The following PRDM16 variants were observed in gnomAD, a reference collection of about 807,000 sequenced individuals.
PRDM16 encodes the protein PR/SET domain 16.
A neutral mutation model predicts 110.6 loss-of-function variants in PRDM16; 23 were observed. The observed-to-expected ratio is 0.21, with a 90% CI of 0.15 to 0.29. PRDM16 has a LOEUF of 0.29. Ranked by LOEUF, PRDM16 falls within the 10% of genes least tolerant of loss-of-function variation. PRDM16 has a pLI of 1.00. For synonymous variants in PRDM16, 799 were observed against 781.8 expected, an observed-to-expected ratio of 1.02 and a Z score of -0.37; for missense variants, 1,615 against 1,794.3, an observed-to-expected ratio of 0.90 and a Z score of 1.81.
intron 1 of PRDM16, among the ~76,000 whole-genome samples, chr1:3,075,572 A>G (rs1328487198): frequency 6.6e-6 from 1 of 152,272 alleles, no homozygotes; most frequent in Non-Finnish European, 1.5e-5. Context: ...AAAAAAATAT[A>G]TTATGGCTGT....
At chr1:3,220,301 A>G (rs1639123542) in intron 2 of PRDM16, among the ~76,000 whole-genome samples, 1 of 152,210 alleles carries the variant, frequency 6.6e-6, no homozygotes, top group Admixed American at 6.5e-5. Flanking sequence ...CACAGGCATC[A>G]TAGCAGCCGG....
chr1:3,327,597 G>A (rs928629853), intron 3 of PRDM16, among the ~76,000 whole-genome samples: 34 of 152,360 alleles, frequency 2.2e-4, no homozygotes, highest in Admixed American at 6.5e-5. Context: ...GCACATGGCT[G>A]CCGCCCATGA....
At chr1:3,221,283 T>C (rs1639145107) in intron 2 of PRDM16, among the ~76,000 whole-genome samples, 1 of 152,228 alleles carries the variant, frequency 6.6e-6, no homozygotes, top group South Asian at 2.1e-4. Flanking sequence ...GGCCTCCCGG[T>C]TCCAGCGCTC....
intron 1 of PRDM16, among the ~76,000 whole-genome samples, chr1:3,140,249 C>T (rs1346959089): frequency 6.6e-6 from 1 of 152,250 alleles, no homozygotes; most frequent in Non-Finnish European, 1.5e-5. Flanking sequence ...AATGTAATTG[C>T]TTCCCTTTCT....
Position 3,368,820 on chromosome 1 carries a change from T to A in PRDM16, c.439-16332T>A, listed in dbSNP as rs144615574. 2.6e-5 allele frequency among the ~76,000 whole-genome samples: 4 copies of A among 152,270 alleles called. No individual in the cohort carries two copies. The East Asian group carries it at 7.7e-4, about 29-fold the overall frequency. On this transcript the variant is annotated intron_variant, in intron 3 of 16. Coordinates refer to ENST00000270722, the MANE Select transcript of PRDM16 (RefSeq NM_022114.4). ...ACAATGTGTCCTCCCATCTTTGTCT[T>A]TTTCAACAGAAAAAAAAATAGCAAT... is the stretch of plus-strand genomic sequence containing the variant.
intron 3 of PRDM16, chr1:3,309,230 A>G (rs2500279): frequency 0.77 from 117,994 of 152,306 alleles, 45,876 homozygotes; most frequent in East Asian, 0.99. Flanking sequence ...TCCTGCAGGC[A>G]GGGCTCCCAG....
intron 1 of PRDM16, among the ~76,000 whole-genome samples, chr1:3,127,273 T>C (rs1184986858): frequency 2.6e-5 from 4 of 152,258 alleles, no homozygotes; most frequent in East Asian, 1.9e-4. Flanking sequence ...CATCGAGTTA[T>C]TTAAAATGCA....
At chr1:3,388,592 G>A (rs1310798976) in intron 4 of PRDM16, among the ~76,000 whole-genome samples, 1 of 152,202 alleles carries the variant, frequency 6.6e-6, no homozygotes, top group African/African-American at 2.4e-5. Context: ...CCTCCCAGAA[G>A]AGATGAGCTC....
At position 3,397,676 on chromosome 1, in the gene PRDM16, G is replaced by C. The variant is rs943746188; in HGVS notation, c.676+1083G>C. Among the ~76,000 whole-genome samples, 14 of 152,376 alleles carry C rather than the reference G, an allele frequency of 9.2e-5. 1 individual carries two copies. In the East Asian group the frequency reaches 2.7e-3, roughly 29 times the overall value. On this transcript the variant is annotated intron_variant, in intron 5 of 16. Transcript: ENST00000270722. ...GCGCTGGTGATTCCTGCTGGTGCTGGAGCCTGGAGGGAGGCTGAGTTTTCC... is the reference window on the plus strand; with the variant it reads ...GCGCTGGTGATTCCTGCTGGTGCTGCAGCCTGGAGGGAGGCTGAGTTTTCC...
intron 3 of PRDM16, among the ~76,000 whole-genome samples, chr1:3,312,360 G>A (rs566331022): frequency 2.6e-5 from 4 of 152,320 alleles, no homozygotes; most frequent in South Asian, 4.1e-4. Flanking sequence ...GTGACATGAG[G>A]ATCACTGGGA....
chr1:3,421,652 C>T (rs1638433597), intron 12 of PRDM16, among the ~76,000 whole-genome samples: 1 of 152,342 alleles, frequency 6.6e-6, no homozygotes, highest in African/African-American at 2.4e-5. Context: ...CAGCCCTGTT[C>T]GTGGCTCTCC....
In PRDM16 at chr1:3,069,796, G is replaced by T. The variant is rs1347911848; in HGVS notation, c.37+500G>T. On this transcript the variant is annotated intron_variant, in intron 1 of 16. Transcript: ENST00000270722. The surrounding 1 kb of genome is among the most constrained non-coding windows in gnomAD (Gnocchi z 6.1). ...TAGTGGGCGCTAGAGCACCGCCTTTGGCGTCCGCCAGCCGGGCGCAGAGGA... is the reference window on the plus strand; with the variant it reads ...TAGTGGGCGCTAGAGCACCGCCTTTTGCGTCCGCCAGCCGGGCGCAGAGGA... 6.6e-6 allele frequency among the ~76,000 whole-genome samples: 1 copy of T among 152,056 alleles called. No homozygotes were observed. Among genetic ancestry groups the T allele is most frequent in the Non-Finnish European group, 1.5e-5 (1 of 67,978 alleles).
At chr1:3,150,375 G>A (rs1643752452) in intron 1 of PRDM16, among the ~76,000 whole-genome samples, 2 of 140,802 alleles carry the variant, frequency 1.4e-5, no homozygotes, top group East Asian at 2.2e-4. Flanking sequence ...GGCCAACATG[G>A]TAAAACCCCA....
At chr1:3,275,813 T>G (rs1640569878) in intron 3 of PRDM16, among the ~76,000 whole-genome samples, 1 of 152,070 alleles carries the variant, frequency 6.6e-6, no homozygotes, top group Non-Finnish European at 1.5e-5. Context: ...GGGAGAGCCG[T>G]GCACATCCAG....
At chr1:3,263,189 C>G (rs886338618) in intron 3 of PRDM16, among the ~76,000 whole-genome samples, 1 of 152,178 alleles carries the variant, frequency 6.6e-6, no homozygotes, top group Admixed American at 6.5e-5. Context: ...CTCAGTTGCT[C>G]TGAGTGCCCG....
At chr1:3,220,652 T>C (rs1639130985) in intron 2 of PRDM16, among the ~76,000 whole-genome samples, 1 of 152,158 alleles carries the variant, frequency 6.6e-6, no homozygotes. Context: ...AGGACACCAT[T>C]TGGTCTCTCT....
rs187666702 is a variant in PRDM16 at position 3,343,114 on chromosome 1, G to A, written c.439-42038G>A. 3.8e-3 allele frequency among the ~76,000 whole-genome samples: 575 copies of A among 151,376 alleles called. 2 individuals are homozygous for A. The highest frequency in any genetic ancestry group is 7.8e-3 in the South Asian group (37 of 4,724). On this transcript the variant is annotated intron_variant, in intron 3 of 16. Coordinates refer to ENST00000270722, the MANE Select transcript of PRDM16 (RefSeq NM_022114.4). ...TGTACTATTTTGCATTTCCACCAGC[G>A]GCAATGTGTGAGTGTTCCAGCTGCT... is the stretch of plus-strand genomic sequence containing the variant.
chr1:3,318,055 A>C (rs1641652797), intron 3 of PRDM16, among the ~76,000 whole-genome samples: 1 of 152,240 alleles, frequency 6.6e-6, no homozygotes, highest in African/African-American at 2.4e-5. Context: ...TCCCCGGAGC[A>C]TCACAGCGAG....
chr1:3,196,764 G>C (rs541575184), intron 2 of PRDM16, among the ~76,000 whole-genome samples: 1 of 152,240 alleles, frequency 6.6e-6, no homozygotes, highest in Non-Finnish European at 1.5e-5. Flanking sequence ...AGCCCAGGAG[G>C]AGGCCCTGGG....
Sources: gnomAD v4.1 joint callset for allele counts (sites outside exome capture counted in the v4.1 genomes callset) on GRCh38, gnomAD v4.1.1 for gene constraint, Gnocchi (gnomAD v3.1) non-coding constraint, MANE v1.5 for transcripts, NCBI Gene and HGNC (gene_info 2026-07-23, HGNC 2026-07-21) for gene names.